Variants in TUSC3 observed in about 807,000 individuals in gnomAD.
TUSC3 encodes the protein tumor suppressor candidate 3.
TUSC3 carries 45 observed loss-of-function variants against 44.8 expected under a neutral mutation model. The observed-to-expected ratio is 1.00, with a 90% CI of 0.79 to 1.29. The LOEUF is 1.29. Ranked by LOEUF, TUSC3 falls within the 50% of genes most tolerant of loss-of-function variation. The probability of loss-of-function intolerance (pLI) is 0.00; values close to 1 mark genes in which losing one functional copy is unlikely to be tolerated. For missense variants in TUSC3, 519 were observed against 437.9 expected (o/e 1.19, Z -1.65); for synonymous variants, 212 against 152.9 (o/e 1.39, Z -2.85).
At chr8:15,482,107 C>T (rs974007827) in intron 1 of TUSC3, among the ~76,000 whole-genome samples, 2 of 152,190 alleles carry the variant, frequency 1.3e-5, no homozygotes, top group African/African-American at 2.4e-5. Context: ...CTTAAGAAAT[C>T]ACTTTCTTTG....
At chr8:15,711,463 CGTGTGTGTGT>C (rs36058270) in intron 6 of TUSC3, among the ~76,000 whole-genome samples, 9,746 of 144,934 alleles carry the variant, frequency 0.067, 460 homozygotes, top group East Asian at 0.19. Context: ...CAAAAAGGTA[CGTGTGTGTGT>C]GTGTGTGTGT....
intron 2 of TUSC3, among the ~76,000 whole-genome samples, chr8:15,497,037 G>A (rs2129126474): frequency 6.6e-6 from 1 of 152,284 alleles, no homozygotes; most frequent in East Asian, 1.9e-4. Flanking sequence ...AGCAGATGAT[G>A]AGAAATAAAC....
At chr8:15,557,622 C>A (rs1802314387) in intron 1 of TUSC3, among the ~76,000 whole-genome samples, 2 of 106,198 alleles carry the variant, frequency 1.9e-5, no homozygotes, top group South Asian at 6.0e-4. Flanking sequence ...GATATTGATT[C>A]TTCCTACCCA....
In TUSC3 at chr8:15,642,464, G is replaced by A. The variant is rs115363407; in HGVS notation, c.309-8233G>A. Among the ~76,000 whole-genome samples, 1,482 of 152,188 alleles carry A rather than the reference G, an allele frequency of 9.7e-3. 22 individuals carry two copies. Among genetic ancestry groups the A allele is most frequent in the African/African-American group, 0.034 (1,416 of 41,526 alleles). On this transcript the variant is annotated intron_variant, in intron 2 of 10. Transcript: ENST00000503731. ...AATCTCCATGAATGTTTCTTGTGACGGCAATACTATCAGTTGACTAGAAAA... is the reference window on the plus strand; with the variant it reads ...AATCTCCATGAATGTTTCTTGTGACAGCAATACTATCAGTTGACTAGAAAA...
chr8:15,679,560 G>C (rs1808326843), intron 6 of TUSC3, among the ~76,000 whole-genome samples: 1 of 151,956 alleles, frequency 6.6e-6, no homozygotes, highest in Non-Finnish European at 1.5e-5. Flanking sequence ...TTACTCAATT[G>C]ATAGTTCCTT....
chr8:15,465,003 C>G (rs1800395957), intron 1 of TUSC3, among the ~76,000 whole-genome samples: 2 of 152,146 alleles, frequency 1.3e-5, no homozygotes, highest in Non-Finnish European at 2.9e-5. Flanking sequence ...GCACCTGCCA[C>G]CATGCCCAGC....
In TUSC3 at chr8:15,740,018, A is replaced by G. The variant is rs115795407; in HGVS notation, c.863-3520A>G. On this transcript the variant is annotated intron_variant, in intron 7 of 10. Coordinates refer to ENST00000503731, the MANE Select transcript of TUSC3 (RefSeq NM_006765.4). The stretch of plus-strand genomic sequence containing the variant: ...CTTGCCCTTTTGGAGCTAAAATTGT[A>G]GTGCTGGAACAAAGACAATAAGTAC... Among the ~76,000 whole-genome samples, 1,087 of 152,344 alleles carry G rather than the reference A, an allele frequency of 7.1e-3. 11 individuals are homozygous for G. The highest frequency in any genetic ancestry group is 0.025 in the African/African-American group (1,043 of 41,580).
At chr8:15,443,860 C>G (rs1800055620) in intron 1 of TUSC3, among the ~76,000 whole-genome samples, 2 of 152,162 alleles carry the variant, frequency 1.3e-5, no homozygotes, top group South Asian at 2.1e-4. Context: ...GACGGATAAA[C>G]TGGCTCACCT....
At chr8:15,479,759 A>T (rs1163795445) in intron 1 of TUSC3, among the ~76,000 whole-genome samples, 1 of 152,154 alleles carries the variant, frequency 6.6e-6, no homozygotes, top group Non-Finnish European at 1.5e-5. Context: ...CATCTTGGCT[A>T]TATTGGCTCT....
intron 6 of TUSC3, among the ~76,000 whole-genome samples, chr8:15,681,853 G>T (rs1396436279): frequency 2.0e-5 from 3 of 151,910 alleles, no homozygotes; most frequent in African/African-American, 7.3e-5. Context: ...AAAGATTTTG[G>T]TATGTTGTAT....
At chr8:15,684,569 C>T (rs1445737450) in intron 6 of TUSC3, among the ~76,000 whole-genome samples, 1 of 152,180 alleles carries the variant, frequency 6.6e-6, no homozygotes, top group African/African-American at 2.4e-5. Context: ...TTGGGACTCC[C>T]TGGGGAAGAA....
chr8:15,657,765 A>G (rs1011023591), intron 3 of TUSC3, among the ~76,000 whole-genome samples: 1 of 152,198 alleles, frequency 6.6e-6, no homozygotes, highest in Non-Finnish European at 1.5e-5. Context: ...AGCAGCACCC[A>G]GTGCCTCTGA....
intron 6 of TUSC3, among the ~76,000 whole-genome samples, chr8:15,687,239 G>A (rs577690470): frequency 1.3e-5 from 2 of 152,150 alleles, no homozygotes; most frequent in African/African-American, 4.8e-5. Context: ...TCTGTTTCCA[G>A]TAGTAGTACA....
At chr8:15,847,165 G>A in the TUSC3 span, among the ~76,000 whole-genome samples, 1 of 152,182 alleles carries the variant, frequency 6.6e-6, no homozygotes, top group Admixed American at 6.5e-5. Flanking sequence ...ACTGGAAGCA[G>A]GGAGAGGCAG....
At chr8:15,514,195 G>A (rs1801180068) in intron 2 of TUSC3, among the ~76,000 whole-genome samples, 2 of 152,152 alleles carry the variant, frequency 1.3e-5, no homozygotes, top group Admixed American at 1.3e-4. Context: ...TAGTAATTAC[G>A]TAGATACCCA....
rs575378551 is a variant in TUSC3 at position 15,616,703 on chromosome 8, A to G, written c.139-6377A>G. On this transcript the variant is annotated intron_variant, in intron 1 of 10. Coordinates refer to ENST00000503731, the MANE Select transcript of TUSC3 (RefSeq NM_006765.4). ...TGGGTGGCAGGAAGGAGAGAGCGCT[A>G]CAACAGTCCTTGGGGGCTCTGACCT... Among the ~76,000 whole-genome samples, 7 of 152,324 alleles carry G rather than the reference A, an allele frequency of 4.6e-5. No individual in the cohort carries two copies. The South Asian group carries it at 1.2e-3, about 27-fold the overall frequency.
At chr8:15,829,626 T>C in the TUSC3 span, among the ~76,000 whole-genome samples, 11 of 152,120 alleles carry the variant, frequency 7.2e-5, no homozygotes, top group African/African-American at 9.6e-5. Flanking sequence ...TATTAGTTTA[T>C]CAATCTTTTC....
At chr8:15,682,811 C>CT (rs3988415) in intron 6 of TUSC3, among the ~76,000 whole-genome samples, 31,142 of 129,666 alleles carry the variant, frequency 0.24, 4,086 homozygotes, top group Non-Finnish European at 0.33. Context: ...CTAGAACTTT[C>CT]TTTTTTTTTT....
At chr8:15,486,082 C>T (rs911186474) in intron 2 of TUSC3, among the ~76,000 whole-genome samples, 25 of 152,180 alleles carry the variant, frequency 1.6e-4, no homozygotes, top group African/African-American at 6.0e-4. Context: ...CATGAGCCAC[C>T]TTGCCCAGCT....
Sources: gnomAD v4.1 joint callset for allele counts (sites outside exome capture counted in the v4.1 genomes callset) on GRCh38, gnomAD v4.1.1 for gene constraint, MANE v1.5 for transcripts, NCBI Gene and HGNC (gene_info 2026-07-23, HGNC 2026-07-21) for gene names.